Variants in MVB12B observed in about 807,000 individuals in gnomAD.
MVB12B encodes the protein ESCRT-I complex subunit MVB12B.
MVB12B carries 16 observed loss-of-function variants against 41.6 expected under a neutral mutation model. The ratio of observed to expected loss-of-function variants is 0.38; its 90% CI spans 0.26 to 0.58. The LOEUF (loss-of-function observed/expected upper bound fraction) is 0.58. Among genes scored for constraint, MVB12B ranks in the 20% least tolerant of loss-of-function variants. The pLI is 0.62. For synonymous variants in MVB12B, 133 were observed against 139.7 expected (o/e 0.95, Z 0.34); for missense variants, 274 against 380.2 (o/e 0.72, Z 2.32).
intron 6 of MVB12B, among the ~76,000 whole-genome samples, chr9:126,418,438 C>G (rs1370365805): frequency 6.6e-6 from 1 of 152,162 alleles, no homozygotes; most frequent in Non-Finnish European, 1.5e-5. Flanking sequence ...TGTGGCAAGT[C>G]ATGTCGACAG....
At chr9:126,466,106 C>T (rs1288760660) in intron 7 of MVB12B, among the ~76,000 whole-genome samples, 1 of 152,240 alleles carries the variant, frequency 6.6e-6, no homozygotes, top group Non-Finnish European at 1.5e-5. Context: ...AACCAACCAA[C>T]ATTTAGAATT....
chr9:126,499,746 C>G (rs1164418333), intron 9 of MVB12B, among the ~76,000 whole-genome samples: 1 of 148,368 alleles, frequency 6.7e-6, no homozygotes. Context: ...TTTTCTCCAG[C>G]CAAGATAACC....
intron 6 of MVB12B, among the ~76,000 whole-genome samples, chr9:126,406,912 C>T (rs1378551327): frequency 6.6e-6 from 1 of 152,018 alleles, no homozygotes; most frequent in African/African-American, 2.4e-5. Context: ...ACTGAAAACT[C>T]CCATGCTTTA....
chr9:126,447,639 C>T (rs1832805292), intron 7 of MVB12B, among the ~76,000 whole-genome samples: 1 of 152,168 alleles, frequency 6.6e-6, no homozygotes, highest in African/African-American at 2.4e-5. Flanking sequence ...CTTGAAAACA[C>T]ATCTTCTCTC....
chr9:126,391,969 C>A lies in MVB12B; in HGVS notation c.410-97C>A. 1 of 1,428,046 alleles carries A rather than the reference C, an allele frequency of 7.0e-7. No individual in the cohort carries two copies. The highest frequency in any genetic ancestry group is 1.2e-5 in the South Asian group (1 of 81,388). 88.5% of individuals were successfully genotyped at this position (1,428,046 alleles called of 1,614,324 possible). ...CAGCTTAGGTGACCTGCCACTTCTG[C>A]TGCCAGGAATAGGGCGTGACAGGGG... On this transcript the variant is annotated intron_variant, in intron 4 of 9. Transcript: ENST00000361171. The surrounding 1 kb of genome is among the most constrained non-coding windows in gnomAD (Gnocchi z 4.4).
At position 126,507,034 on chromosome 9, in the gene MVB12B, CCT is replaced by C. The variant is rs2119256916; in HGVS notation, c.*3774_*3775del. The stretch of plus-strand genomic sequence containing the variant: ...TTTGTTAAATAAACGTTTGTTTTAA[CCT>C]CTTTCCCCAGTTTGCTGTCGTGGTG... On this transcript the variant is annotated 3_prime_UTR_variant, in exon 10 of 10. Transcript: ENST00000361171. 1 of 152,792 alleles carries C rather than the reference CCT, an allele frequency of 6.5e-6. No homozygotes were observed. The highest frequency in any genetic ancestry group is 1.9e-4 in the East Asian group (1 of 5,184). 9.5% of individuals were successfully genotyped at this position (152,792 alleles called of 1,614,324 possible). A position where few individuals can be genotyped will look rare whatever the true frequency, so the allele number is the denominator to read the frequency against.
chr9:126,466,386 C>G (rs1380173731), intron 7 of MVB12B, among the ~76,000 whole-genome samples: 1 of 152,214 alleles, frequency 6.6e-6, no homozygotes, highest in Non-Finnish European at 1.5e-5. Context: ...CTGCTGGTGT[C>G]ATAACTGCTA....
Position 126,436,679 on chromosome 9 carries a change from G to A in MVB12B, c.757+14731G>A, listed in dbSNP as rs558021711. Among the ~76,000 whole-genome samples the A allele has an allele frequency of 9.9e-5, 15 of 152,150 alleles. No individual in the cohort carries two copies. Among genetic ancestry groups the A allele is most frequent in the Non-Finnish European group, 1.9e-4 (13 of 68,040 alleles). Reference sequence around the variant, plus strand: ...CTTTAAGGTCTGGTTCCTTAAATCCGTAGTGGCTCAGCATATAGTCCTTTG... The same window carrying A: ...CTTTAAGGTCTGGTTCCTTAAATCCATAGTGGCTCAGCATATAGTCCTTTG... On this transcript the variant is annotated intron_variant, in intron 7 of 9. Coordinates refer to ENST00000361171, the MANE Select transcript of MVB12B (RefSeq NM_033446.3). This position sits in a 1 kb window ranked among gnomAD's most constrained non-coding sequence, Gnocchi z 4.1.
At chr9:126,483,889 G>A (rs1223685749) in intron 8 of MVB12B, 84 bp from the exon 9 acceptor site, 2 of 1,391,122 alleles carry the variant, frequency 1.4e-6, no homozygotes, top group Non-Finnish European at 2.0e-6. Flanking sequence ...GTGGCTTGAG[G>A]TGTTACCATT....
intron 2 of MVB12B, 59 bp from the exon 3 acceptor site, chr9:126,381,005 C>T (rs1283974622): frequency 1.4e-5 from 19 of 1,384,438 alleles, no homozygotes; most frequent in South Asian, 4.6e-5. Flanking sequence ...GTGGCCCACG[C>T]GCACCTTCAG....
At chr9:126,464,692 C>G (rs1440644966) in intron 7 of MVB12B, among the ~76,000 whole-genome samples, 1 of 152,206 alleles carries the variant, frequency 6.6e-6, no homozygotes, top group Non-Finnish European at 1.5e-5. Context: ...TATATTTTCT[C>G]CACTTCCATC....
At chr9:126,336,085 C>T (rs1207219034) in intron 1 of MVB12B, among the ~76,000 whole-genome samples, 1 of 152,240 alleles carries the variant, frequency 6.6e-6, no homozygotes, top group Non-Finnish European at 1.5e-5. Context: ...GAAGGCAGCG[C>T]CCCCTGCCCC....
intron 6 of MVB12B, among the ~76,000 whole-genome samples, chr9:126,416,788 G>A (rs562029994): frequency 1.3e-5 from 2 of 152,260 alleles, no homozygotes; most frequent in African/African-American, 4.8e-5. Context: ...ATGAGGCCGG[G>A]TGATATATTG....
At chr9:126,454,457 C>A (rs1832940345) in intron 7 of MVB12B, among the ~76,000 whole-genome samples, 1 of 152,220 alleles carries the variant, frequency 6.6e-6, no homozygotes, top group African/African-American at 2.4e-5. Context: ...GCATTGTTTA[C>A]CACTCTGCAG....
chr9:126,335,457 G>A, intron 1 of MVB12B: 1 of 1,252,646 alleles, frequency 8.0e-7, no homozygotes, highest in Non-Finnish European at 1.1e-6. Context: ...TGTGTGTGTG[G>A]TGTGCATTGG....
At chr9:126,337,250 T>G (rs574147216) in intron 1 of MVB12B, among the ~76,000 whole-genome samples, 1 of 152,288 alleles carries the variant, frequency 6.6e-6, no homozygotes, top group South Asian at 2.1e-4. Flanking sequence ...CACCGTGCCA[T>G]AGATCAACCT....
chr9:126,485,972 A>G (rs1157196131), intron 9 of MVB12B, among the ~76,000 whole-genome samples: 2 of 152,042 alleles, frequency 1.3e-5, no homozygotes, highest in South Asian at 2.1e-4. Context: ...CCATTTCAAT[A>G]TTCTCCATTC....
At chr9:126,503,144 A>G (rs1564355327) in intron 9 of MVB12B, 33 bp from the exon 10 acceptor site, 4 of 1,530,690 alleles carry the variant, frequency 2.6e-6, no homozygotes, top group Non-Finnish European at 3.5e-6. Flanking sequence ...CCATGGACTG[A>G]CTGTGTCTCT....
At chr9:126,388,254 C>G (rs1278927746) in intron 4 of MVB12B, among the ~76,000 whole-genome samples, 1 of 152,164 alleles carries the variant, frequency 6.6e-6, no homozygotes, top group Non-Finnish European at 1.5e-5. Flanking sequence ...GTAGATTTGC[C>G]TATTCTGGAC....
Sources: gnomAD v4.1 joint callset for allele counts (sites outside exome capture counted in the v4.1 genomes callset) on GRCh38, gnomAD v4.1.1 for gene constraint, Gnocchi (gnomAD v3.1) non-coding constraint, MANE v1.5 for transcripts, NCBI Gene and HGNC (gene_info 2026-07-23, HGNC 2026-07-21) for gene names.